LRRC4C: variants seen among roughly 807,000 people sequenced by gnomAD.
LRRC4C encodes leucine-rich repeat-containing protein 4C.
In LRRC4C, 5 loss-of-function variants were observed where a neutral mutation model predicts 33.6. The ratio of observed to expected loss-of-function variants is 0.15; its 90% CI spans 0.08 to 0.31. The LOEUF (loss-of-function observed/expected upper bound fraction) is 0.31, where lower values mean the gene tolerates loss of function less well. LRRC4C is among the 10% of genes least tolerant of loss of function. The pLI, the probability that LRRC4C is intolerant of heterozygous loss-of-function variation, is 1.00. For missense variants in LRRC4C, 560 were observed against 796.7 expected (o/e 0.70, Z 3.58); for synonymous variants, 329 against 302.0 (o/e 1.09, Z -0.93).
At chr11:40,879,523 T>C (rs1433319497) in intron 2 of LRRC4C, among the ~76,000 whole-genome samples, 6 of 152,168 alleles carry the variant, frequency 3.9e-5, no homozygotes, top group Admixed American at 3.9e-4. Context: ...TCTGAAACTC[T>C]GTCCTCGAAG....
chr11:40,485,920 A>C (rs902150696), intron 3 of LRRC4C, among the ~76,000 whole-genome samples: 1 of 152,064 alleles, frequency 6.6e-6, no homozygotes, highest in African/African-American at 2.4e-5. Context: ...GCATGTTCTC[A>C]CTTATAAGTG....
chr11:41,287,239 T>C (rs935834659), intron 1 of LRRC4C, among the ~76,000 whole-genome samples: 2 of 151,880 alleles, frequency 1.3e-5, no homozygotes, highest in Non-Finnish European at 2.9e-5. Context: ...ATCTGGTTAT[T>C]ACATAGAAAG....
chr11:41,202,004 A>G (rs1453704233), intron 1 of LRRC4C, among the ~76,000 whole-genome samples: 2 of 152,134 alleles, frequency 1.3e-5, no homozygotes, highest in East Asian at 3.9e-4. Context: ...TTTAGTTTTG[A>G]CCATCAGTCC....
intron 1 of LRRC4C, among the ~76,000 whole-genome samples, chr11:41,007,133 C>T (rs868023543): frequency 6.6e-6 from 1 of 151,546 alleles, no homozygotes; most frequent in African/African-American, 2.4e-5. Context: ...AACCCTGTTG[C>T]CAAAAAATGC....
At chr11:40,529,767 A>G (rs936775171) in intron 3 of LRRC4C, among the ~76,000 whole-genome samples, 1 of 152,174 alleles carries the variant, frequency 6.6e-6, no homozygotes, top group African/African-American at 2.4e-5. Context: ...GAATTTCTTC[A>G]TACCTTATCT....
chr11:40,215,836 G>A (rs1398340056), intron 5 of LRRC4C, among the ~76,000 whole-genome samples: 2 of 152,098 alleles, frequency 1.3e-5, no homozygotes, highest in Non-Finnish European at 2.9e-5. Flanking sequence ...ATTAAGAACC[G>A]CTAAGAAGGC....
intron 1 of LRRC4C, among the ~76,000 whole-genome samples, chr11:41,034,653 T>TAC (rs1555048276): frequency 7.0e-6 from 1 of 143,270 alleles, no homozygotes; most frequent in Non-Finnish European, 1.5e-5. Context: ...TGAGAGTTAT[T>TAC]ATATATATAT....
chr11:40,762,546 C>A (rs1565028626), intron 2 of LRRC4C, among the ~76,000 whole-genome samples: 1 of 152,058 alleles, frequency 6.6e-6, no homozygotes, highest in Non-Finnish European at 1.5e-5. Flanking sequence ...AGAGTTGCCA[C>A]TGGTTCATTT....
intron 1 of LRRC4C, among the ~76,000 whole-genome samples, chr11:40,973,552 A>G (rs1431136979): frequency 6.6e-6 from 1 of 152,178 alleles, no homozygotes; most frequent in Non-Finnish European, 1.5e-5. Flanking sequence ...GAGGGAGAAA[A>G]GCCACTGGAG....
At chr11:41,202,585 G>A (rs1444101706) in intron 1 of LRRC4C, among the ~76,000 whole-genome samples, 1 of 152,024 alleles carries the variant, frequency 6.6e-6, no homozygotes, top group African/African-American at 2.4e-5. Context: ...ACACAAGTGA[G>A]GTTCAGTGAT....
intron 1 of LRRC4C, among the ~76,000 whole-genome samples, chr11:41,097,564 C>T (rs369445509): frequency 3.3e-5 from 5 of 151,984 alleles, no homozygotes; most frequent in Admixed American, 3.3e-4. Flanking sequence ...ATGGAGAAAC[C>T]ATTGAAGAAC....
chr11:40,805,982 T>C (rs1044678619), intron 2 of LRRC4C, among the ~76,000 whole-genome samples: 3 of 152,168 alleles, frequency 2.0e-5, no homozygotes, highest in African/African-American at 7.2e-5. Context: ...AAAATCAGTG[T>C]CCTACAAAGG....
At chr11:40,286,003 T>C (rs1329592292) in intron 4 of LRRC4C, among the ~76,000 whole-genome samples, 5 of 152,156 alleles carry the variant, frequency 3.3e-5, no homozygotes, top group Non-Finnish European at 7.3e-5. Flanking sequence ...TTCAGTACAG[T>C]GCCTGGTGCA....
intron 3 of LRRC4C, among the ~76,000 whole-genome samples, chr11:40,477,857 C>G (rs1470325167): frequency 6.6e-6 from 1 of 152,184 alleles, no homozygotes; most frequent in South Asian, 2.1e-4. Flanking sequence ...CATCCTGTAG[C>G]TCCCATAATT....
intron 3 of LRRC4C, among the ~76,000 whole-genome samples, chr11:40,574,916 G>A (rs1312412152): frequency 2.0e-5 from 3 of 152,136 alleles, no homozygotes; most frequent in African/African-American, 2.4e-5. Flanking sequence ...AAGGTTGCAC[G>A]CCATCTCCAG....
intron 1 of LRRC4C, among the ~76,000 whole-genome samples, chr11:41,125,418 ATGCCTATTTT>A (rs1404589181): frequency 2.0e-5 from 3 of 152,358 alleles, no homozygotes; most frequent in African/African-American, 7.2e-5. Flanking sequence ...GCATAAAAAT[ATGCCTATTTT>A]TGTCTGAAAC....
chr11:40,810,020 C>A (rs958651211), intron 2 of LRRC4C, among the ~76,000 whole-genome samples: 10 of 152,134 alleles, frequency 6.6e-5, no homozygotes, highest in Admixed American at 6.6e-4. Flanking sequence ...TAGGCATTTT[C>A]CTCACAGCAA....
intron 2 of LRRC4C, among the ~76,000 whole-genome samples, chr11:40,911,391 T>C (rs775350550): frequency 1.3e-5 from 2 of 152,100 alleles, no homozygotes; most frequent in Admixed American, 6.5e-5. Flanking sequence ...TGTTCACCAA[T>C]ATCCGCTGTT....
intron 1 of LRRC4C, among the ~76,000 whole-genome samples, chr11:40,936,789 T>G (rs1957922535): frequency 6.6e-6 from 1 of 152,182 alleles, no homozygotes; most frequent in South Asian, 2.1e-4. Flanking sequence ...GATTAAATAA[T>G]TTGCATAAGG....
Sources: allele counts gnomAD v4.1 joint callset (sites outside exome capture counted in the v4.1 genomes callset), GRCh38; gene constraint gnomAD v4.1.1; transcripts MANE v1.5; gene names NCBI Gene and HGNC (gene_info 2026-07-23, HGNC 2026-07-21).